Variants in NF2 observed in about 807,000 individuals in gnomAD.
The protein encoded by NF2 is NF2, moesin-ezrin-radixin like (MERLIN) tumor suppressor, also known as merlin.
In NF2, 8 loss-of-function variants were observed where a neutral mutation model predicts 83.7. The observed-to-expected ratio is 0.10, with a 90% CI of 0.06 to 0.17. NF2 has a LOEUF of 0.17. Ranked by LOEUF, NF2 falls within the 10% of genes least tolerant of loss-of-function variation. The pLI, the probability that NF2 is intolerant of heterozygous loss-of-function variation, is 1.00. For missense variants in NF2, 533 were observed against 744.4 expected (o/e 0.72, Z 3.31); for synonymous variants, 266 against 269.6 (o/e 0.99, Z 0.13).
At chr22:29,680,906 G>T (rs541157417) in intron 14 of NF2, among the ~76,000 whole-genome samples, 5 of 151,444 alleles carry the variant, frequency 3.3e-5, no homozygotes, top group Admixed American at 3.3e-4. Context: ...GTTGAGACAA[G>T]GAGATTGTTC....
chr22:29,658,083 C>T (rs2066366865), intron 6 of NF2, 106 bp from the exon 7 acceptor site: 5 of 985,304 alleles, frequency 5.1e-6, no homozygotes, highest in Non-Finnish European at 6.4e-6. Context: ...CTGGCAGCGA[C>T]GTGGCTCTAG....
At chr22:29,623,999 T>C (rs2065279164) in intron 1 of NF2, among the ~76,000 whole-genome samples, 1 of 151,988 alleles carries the variant, frequency 6.6e-6, no homozygotes, top group South Asian at 2.1e-4. Flanking sequence ...AAGACTTGAG[T>C]GTATAGGCAT....
intron 15 of NF2, among the ~76,000 whole-genome samples, chr22:29,682,046 C>T (rs994764474): frequency 2.0e-5 from 3 of 152,114 alleles, no homozygotes; most frequent in Admixed American, 6.5e-5. Context: ...TTTTTTCATA[C>T]TTAAAAGGAA....
At chr22:29,676,738 A>G (rs529168431) in intron 13 of NF2, among the ~76,000 whole-genome samples, 2 of 152,350 alleles carry the variant, frequency 1.3e-5, no homozygotes, top group East Asian at 1.9e-4. Context: ...TATTGGTAGA[A>G]TAAATTCTTA....
At chr22:29,663,104 G>A (rs138187016) in intron 8 of NF2, among the ~76,000 whole-genome samples, 106 of 152,324 alleles carry the variant, frequency 7.0e-4, no homozygotes, top group African/African-American at 2.2e-3. Context: ...GTTTTTGTTA[G>A]TAGTTAGCCC....
chr22:29,642,437 T>C, intron 4 of NF2, 152 bp downstream of exon 4: 1 of 704,146 alleles, frequency 1.4e-6, no homozygotes, highest in South Asian at 1.5e-5. Flanking sequence ...GAAGAACCAC[T>C]GTCACTGTTC....
At position 29,696,567 on chromosome 22, in the gene NF2, C is replaced by T. The variant is rs958020536; in HGVS notation, c.*1765C>T. On this transcript the variant is annotated 3_prime_UTR_variant, in exon 16 of 16. Transcript: ENST00000338641. Reference sequence around the variant, plus strand: ...AGAGCACAGAGATCCTGCCTTCTTCCTACTATCAGGCTGACCTAATGGGGT... The same window carrying T: ...AGAGCACAGAGATCCTGCCTTCTTCTTACTATCAGGCTGACCTAATGGGGT... The T allele has an allele frequency of 9.2e-6, 2 of 217,056 alleles. No individual in the cohort carries two copies. The highest frequency in any genetic ancestry group is 1.9e-5 in the Non-Finnish European group (2 of 107,782). 13.4% of individuals were successfully genotyped at this position (217,056 alleles called of 1,614,324 possible).
At chr22:29,623,535 A>G (rs1352465366) in intron 1 of NF2, among the ~76,000 whole-genome samples, 1 of 152,148 alleles carries the variant, frequency 6.6e-6, no homozygotes, top group African/African-American at 2.4e-5. Flanking sequence ...AGGCAGATGT[A>G]AGCATCTAGT....
intron 7 of NF2, among the ~76,000 whole-genome samples, chr22:29,658,602 C>G (rs1013239900): frequency 6.6e-6 from 1 of 151,460 alleles, no homozygotes; most frequent in East Asian, 1.9e-4. Flanking sequence ...TACTTCTCCC[C>G]CCAACACACA....
intron 10 of NF2, among the ~76,000 whole-genome samples, chr22:29,671,256 C>T (rs954793029): frequency 4.6e-5 from 7 of 152,296 alleles, no homozygotes; most frequent in South Asian, 2.1e-4. Context: ...TTCTGCCAGG[C>T]GCGGCGGCTC....
At chr22:29,646,809 C>T (rs1486031455) in intron 4 of NF2, among the ~76,000 whole-genome samples, 1 of 152,066 alleles carries the variant, frequency 6.6e-6, no homozygotes, top group Non-Finnish European at 1.5e-5. Context: ...TTTGGGAGGC[C>T]AAGGAGGATG....
In NF2 at chr22:29,676,328, C is replaced by T. The variant is rs1011686538; in HGVS notation, c.1446+1387C>T. On this transcript the variant is annotated intron_variant, in intron 13 of 15. Coordinates refer to ENST00000338641, the MANE Select transcript of NF2 (RefSeq NM_000268.4). ...AGCTGGGACCACAGACATGCACCAC[C>T]ACGCCCAGCTAATTTTTTTTTTTAT... is the stretch of plus-strand genomic sequence containing the variant. Among the ~76,000 whole-genome samples the T allele has an allele frequency of 3.9e-5, 6 of 152,142 alleles. No homozygotes were observed. The East Asian group carries it at 5.8e-4, about 15-fold the overall frequency.
At position 29,661,360 on chromosome 22, in the gene NF2, AGAT is replaced by A. The variant is rs765519341; in HGVS notation, c.810+23_810+25del. The A allele has an allele frequency of 1.4e-5, 23 of 1,612,870 alleles. No homozygotes were observed. In the Middle Eastern group the frequency reaches 4.9e-4, roughly 35 times the overall value. On this transcript the variant is annotated intron_variant, in intron 8 of 15. Transcript: ENST00000338641. The stretch of plus-strand genomic sequence containing the variant: ...AGGAGGTAGGACATGTGTGTACTGC[AGAT>A]GGGTCCAGCAGATCTTTCCCTGTCT...
chr22:29,639,278 C>T (rs1217050068), intron 3 of NF2, 66 bp downstream of exon 3: 2 of 1,602,994 alleles, frequency 1.2e-6, no homozygotes, highest in Admixed American at 1.7e-5. Context: ...CAGAGTTGGC[C>T]TCAGAGTTGA....
chr22:29,670,549 G>A (rs1569303707), intron 10 of NF2, among the ~76,000 whole-genome samples: 1 of 145,492 alleles, frequency 6.9e-6, no homozygotes, highest in Non-Finnish European at 1.5e-5. Context: ...ATTTGGCTTA[G>A]GATTTAGAAA....
intron 15 of NF2, among the ~76,000 whole-genome samples, chr22:29,689,053 C>T (rs1331953963): frequency 6.6e-6 from 1 of 152,002 alleles, no homozygotes; most frequent in East Asian, 1.9e-4. Context: ...GTGGCATGCG[C>T]CTGTAGTTCC....
Position 29,698,078 on chromosome 22 carries a change from G to C in NF2, c.*3276G>C, listed in dbSNP as rs1042131976. The C allele has an allele frequency of 4.3e-6, 1 of 230,058 alleles. No individual in the cohort carries two copies. The highest frequency in any genetic ancestry group is 8.6e-6 in the Non-Finnish European group (1 of 116,034). The allele number at this position is 230,058 out of a possible 1,614,324, so 14.3% of individuals were successfully genotyped here. On this transcript the variant is annotated 3_prime_UTR_variant, in exon 16 of 16. Coordinates refer to ENST00000338641, the MANE Select transcript of NF2 (RefSeq NM_000268.4). ...GGCTGTCCTTTTGGCCAGTAGCCGT[G>C]TGCAGCTGTGTGGCACAGATGGCTT...
intron 10 of NF2, among the ~76,000 whole-genome samples, chr22:29,669,626 C>A (rs2066722831): frequency 6.6e-6 from 1 of 152,196 alleles, no homozygotes; most frequent in South Asian, 2.1e-4. Context: ...AGTAAGAAAT[C>A]TGAAAGTGTC....
At chr22:29,604,219 A>G in intron 1 of NF2, 107 bp downstream of exon 1, 1 of 885,384 alleles carries the variant, frequency 1.1e-6, no homozygotes, top group South Asian at 1.4e-5. Context: ...CAGAACCGGA[A>G]GGGCCAACTA....
Sources: gnomAD v4.1 joint callset for allele counts (sites outside exome capture counted in the v4.1 genomes callset) on GRCh38, gnomAD v4.1.1 for gene constraint, MANE v1.5 for transcripts, NCBI Gene and HGNC (gene_info 2026-07-23, HGNC 2026-07-21) for gene names.